Variants in ARID3B observed in about 807,000 individuals in gnomAD.
ARID3B encodes the protein AT-rich interaction domain 3B, also known as AT-rich interactive domain-containing protein 3B.
ARID3B carries 10 observed loss-of-function variants against 51.9 expected under a neutral mutation model. The ratio of observed to expected loss-of-function variants is 0.19; its 90% CI spans 0.12 to 0.33. The LOEUF (loss-of-function observed/expected upper bound fraction) is 0.33. ARID3B is among the 10% of genes least tolerant of loss of function. The pLI is 1.00. For missense variants in ARID3B, 483 were observed against 716.3 expected (o/e 0.67, Z 3.72); for synonymous variants, 205 against 279.5 (o/e 0.73, Z 2.66).
In ARID3B at chr15:74,549,407, A is replaced by G. The variant is rs575339873; in HGVS notation, c.552+4919A>G. ...GCCTACTTTTCTTGGTAGATACTGC[A>G]TGACTATCATTAGCTGGGTGTGGTG... On this transcript the variant is annotated intron_variant, in intron 2 of 8. Coordinates refer to ENST00000346246, the MANE Select transcript of ARID3B (RefSeq NM_006465.4). Among the ~76,000 whole-genome samples the G allele has an allele frequency of 4.6e-5, 7 of 152,054 alleles. No homozygotes were observed. The East Asian group carries it at 1.4e-3, about 30-fold the overall frequency.
chr15:74,555,782 A>ATT (rs2061655214), intron 2 of ARID3B, among the ~76,000 whole-genome samples: 2 of 113,254 alleles, frequency 1.8e-5, no homozygotes, highest in Admixed American at 9.9e-5. Flanking sequence ...TACGAGCTGT[A>ATT]TTTCTTTTTT....
intron 2 of ARID3B, among the ~76,000 whole-genome samples, chr15:74,563,764 C>G (rs2061687523): frequency 6.6e-6 from 1 of 151,834 alleles, no homozygotes. Flanking sequence ...CTCTGTGGCT[C>G]TCGGACTTGG....
At chr15:74,579,420 TCTC>T (rs923390074) in intron 4 of ARID3B, among the ~76,000 whole-genome samples, 1 of 152,164 alleles carries the variant, frequency 6.6e-6, no homozygotes, top group Non-Finnish European at 1.5e-5. Context: ...ATCCCTTCGT[TCTC>T]CTGATCTTGA....
chr15:74,550,411 C>T (rs1292153696), intron 2 of ARID3B, among the ~76,000 whole-genome samples: 1 of 151,888 alleles, frequency 6.6e-6, no homozygotes, highest in Admixed American at 6.6e-5. Context: ...CCCTACTTCC[C>T]GCCAGGCGCA....
intron 4 of ARID3B, among the ~76,000 whole-genome samples, chr15:74,575,695 T>A (rs2061735067): frequency 6.6e-6 from 1 of 152,198 alleles, no homozygotes; most frequent in African/African-American, 2.4e-5. Flanking sequence ...ATAATGTCAC[T>A]TTATGATTCT....
At chr15:74,579,004 G>C (rs1263669631) in intron 4 of ARID3B, among the ~76,000 whole-genome samples, 3 of 152,250 alleles carry the variant, frequency 2.0e-5, no homozygotes, top group Non-Finnish European at 4.4e-5. Flanking sequence ...CAGGTGGGCT[G>C]TGAGAGGGGC....
intron 2 of ARID3B, among the ~76,000 whole-genome samples, chr15:74,557,786 C>T (rs1329064418): frequency 2.8e-5 from 4 of 141,284 alleles, no homozygotes; most frequent in African/African-American, 5.2e-5. Flanking sequence ...CTATTCTGCA[C>T]TTTAATTACA....
At position 74,543,972 on chromosome 15, in the gene ARID3B, GCAA is replaced by G. The variant is rs752939260; in HGVS notation, c.42_44del (p.Gln15del). The stretch of plus-strand genomic sequence containing the variant: ...TTCAGCAGCAGCAGCAGCAGCAGCA[GCAA>G]CAACAGAAGCAGCCACACCTGGCTC... On this transcript the variant is annotated inframe_deletion, in exon 2 of 9. Transcript: ENST00000346246. The G allele has an allele frequency of 5.2e-4, 799 of 1,547,242 alleles. 1 individual carries two copies. In the African/African-American group the frequency reaches 5.6e-3, roughly 11 times the overall value.
In ARID3B at chr15:74,591,172, C is replaced by G; in HGVS notation, c.903C>G (p.Ala301=). ...LRTQYMKYLY[A]YECEKKALSS... ...CCAGGTACATGAAGTATCTGTATGC[C>G]TATGAGTGTGAGAAGAAAGCCTTGA... is the stretch of plus-strand genomic sequence containing the variant. Residue 301 remains alanine, a synonymous_variant, in exon 6 of 9, where the codon GCC becomes GCG. Transcript: ENST00000346246. This position sits in a 1 kb window ranked among gnomAD's most constrained non-coding sequence, Gnocchi z 5.8. 6.2e-7 allele frequency: 1 copy of G among 1,610,318 alleles called. No homozygotes were observed. The highest frequency in any genetic ancestry group is 1.1e-5 in the South Asian group (1 of 90,864).
chr15:74,568,006 G>A (rs2061705894), intron 2 of ARID3B, among the ~76,000 whole-genome samples: 1 of 152,194 alleles, frequency 6.6e-6, no homozygotes, highest in Admixed American at 6.5e-5. Flanking sequence ...CCATTCAGAG[G>A]TGTAGCCCTC....
intron 4 of ARID3B, among the ~76,000 whole-genome samples, chr15:74,576,481 C>T (rs1051138424): frequency 2.0e-5 from 3 of 151,868 alleles, no homozygotes; most frequent in Admixed American, 1.3e-4. Context: ...ATAGTGAGAC[C>T]TTCTCTCTAC....
At chr15:74,571,598 G>A (rs536259672) in intron 2 of ARID3B, among the ~76,000 whole-genome samples, 1 of 152,332 alleles carries the variant, frequency 6.6e-6, no homozygotes, top group South Asian at 2.1e-4. Flanking sequence ...TTTTGAAGAG[G>A]TGCTTAATTG....
At chr15:74,562,383 C>T (rs1477340604) in intron 2 of ARID3B, among the ~76,000 whole-genome samples, 2 of 152,190 alleles carry the variant, frequency 1.3e-5, no homozygotes, top group African/African-American at 2.4e-5. Flanking sequence ...TCAGGTGATC[C>T]GCCCACCTCG....
chr15:74,546,245 C>T (rs989499120), intron 2 of ARID3B, among the ~76,000 whole-genome samples: 3 of 152,228 alleles, frequency 2.0e-5, no homozygotes, highest in South Asian at 2.1e-4. Flanking sequence ...TGTGAGTTGC[C>T]GGCTGCCCCC....
At chr15:74,577,578 T>C (rs2061742554) in intron 4 of ARID3B, among the ~76,000 whole-genome samples, 1 of 152,198 alleles carries the variant, frequency 6.6e-6, no homozygotes, top group Non-Finnish European at 1.5e-5. Context: ...TGGAGTGTAG[T>C]GGCGCAATCA....
Position 74,597,120 on chromosome 15 carries a change from C to T in ARID3B, c.*1346C>T, listed in dbSNP as rs2061829739. The stretch of plus-strand genomic sequence containing the variant: ...CAGCATTCCCAGCTCAGGGCACAGG[C>T]AGGCTGGGGTCCTCGCTGGCCTTGC... On this transcript the variant is annotated 3_prime_UTR_variant, in exon 9 of 9. Coordinates refer to ENST00000346246, the MANE Select transcript of ARID3B (RefSeq NM_006465.4). The T allele has an allele frequency of 8.2e-6, 2 of 244,842 alleles. No homozygotes were observed. The highest frequency in any genetic ancestry group is 1.6e-5 in the Non-Finnish European group (2 of 125,386). 15.2% of individuals were successfully genotyped at this position (244,842 alleles called of 1,614,324 possible).
rs544057676 is a variant in ARID3B, at chr15:74,559,071, A to G, written c.553-13791A>G. The stretch of plus-strand genomic sequence containing the variant: ...TCTCTCATGGCCTCTGGCTTTATGC[A>G]GTTGTTTCTGTTCTGGTTCCTGGCA... On this transcript the variant is annotated intron_variant, in intron 2 of 8. Transcript: ENST00000346246. Among the ~76,000 whole-genome samples the G allele has an allele frequency of 1.1e-3, 161 of 152,012 alleles. 1 individual carries two copies. The highest frequency in any genetic ancestry group is 3.2e-3 in the African/African-American group (133 of 41,474).
intron 2 of ARID3B, among the ~76,000 whole-genome samples, chr15:74,559,528 C>G (rs1370654214): frequency 6.6e-6 from 1 of 152,084 alleles, no homozygotes; most frequent in African/African-American, 2.4e-5. Flanking sequence ...ATATTATCCC[C>G]TTTATGTGTT....
chr15:74,551,405 G>C (rs1381873809), intron 2 of ARID3B, among the ~76,000 whole-genome samples: 2 of 152,092 alleles, frequency 1.3e-5, no homozygotes, highest in East Asian at 1.9e-4. Flanking sequence ...TGTTCTTTAG[G>C]TAGAAGTAAG....
Sources: allele counts gnomAD v4.1 joint callset (sites outside exome capture counted in the v4.1 genomes callset), GRCh38; gene constraint gnomAD v4.1.1; non-coding constraint Gnocchi (gnomAD v3.1); transcripts MANE v1.5; gene names NCBI Gene and HGNC (gene_info 2026-07-23, HGNC 2026-07-21).